The following ARFGEF1 variants were observed in gnomAD, a reference collection of about 807,000 sequenced individuals.
ARFGEF1 encodes ARF guanine nucleotide exchange factor 1.
Under a neutral mutation model 231.0 loss-of-function variants are expected in ARFGEF1, and 42 were observed. That is an observed-to-expected ratio of 0.18 (90% CI 0.14 to 0.24). The LOEUF (loss-of-function observed/expected upper bound fraction) is 0.24, where lower values mean the gene tolerates loss of function less well. Ranked by LOEUF, ARFGEF1 falls within the 10% of genes least tolerant of loss-of-function variation. ARFGEF1 has a pLI of 1.00. For synonymous variants in ARFGEF1, 710 were observed against 732.3 expected, an observed-to-expected ratio of 0.97 and a Z score of 0.49; for missense variants, 1,345 against 2,192.0, an observed-to-expected ratio of 0.61 and a Z score of 7.72.
chr8:67,237,326 T>C (rs1161015357), intron 22 of ARFGEF1, among the ~76,000 whole-genome samples: 1 of 152,248 alleles, frequency 6.6e-6, no homozygotes, highest in Non-Finnish European at 1.5e-5. Context: ...TATGCTATCA[T>C]GGAGGGACAG....
intron 15 of ARFGEF1, among the ~76,000 whole-genome samples, chr8:67,259,483 C>T (rs958999968): frequency 6.6e-6 from 1 of 152,204 alleles, no homozygotes; most frequent in African/African-American, 2.4e-5. Flanking sequence ...CCGCTTCAGC[C>T]TCCCAAAGCG....
Position 67,343,539 on chromosome 8 carries a change from T to G in ARFGEF1, c.-252A>C. 7.1e-6 allele frequency: 8 copies of G among 1,130,172 alleles called. No individual in the cohort carries two copies. Among genetic ancestry groups the G allele is most frequent in the Admixed American group, 4.8e-5 (1 of 21,020 alleles). The allele number at this position is 1,130,172 out of a possible 1,614,324, so 70.0% of individuals were successfully genotyped here. ...AGGGCCGCGCCCGTCGGGCCTCCGC[T>G]TCTCCCGGCCCGGGGGTCGCGTCCC... is the stretch of plus-strand genomic sequence containing the variant. On this transcript the variant is annotated 5_prime_UTR_variant, in exon 1 of 39. Coordinates refer to ENST00000262215, the MANE Select transcript of ARFGEF1 (RefSeq NM_006421.5).
chr8:67,202,421 C>T (rs1838365435), intron 36 of ARFGEF1, among the ~76,000 whole-genome samples: 1 of 151,890 alleles, frequency 6.6e-6, no homozygotes, highest in African/African-American at 2.4e-5. Flanking sequence ...CACCATGCCC[C>T]GCTAATTTTT....
At chr8:67,262,785 T>C (rs531255484) in intron 14 of ARFGEF1, among the ~76,000 whole-genome samples, 2 of 152,346 alleles carry the variant, frequency 1.3e-5, no homozygotes, top group South Asian at 2.1e-4. Context: ...CTAGTATTTT[T>C]CAGCAATAAA....
intron 33 of ARFGEF1, among the ~76,000 whole-genome samples, chr8:67,216,280 T>C (rs1838928881): frequency 6.6e-6 from 1 of 152,138 alleles, no homozygotes; most frequent in Non-Finnish European, 1.5e-5. Flanking sequence ...GCCATGAGAA[T>C]TAGTGCCTTA....
intron 5 of ARFGEF1, among the ~76,000 whole-genome samples, chr8:67,295,138 G>C (rs1178904293): frequency 2.0e-5 from 3 of 152,018 alleles, no homozygotes; most frequent in Non-Finnish European, 4.4e-5. Context: ...TAAGGGAGGA[G>C]AAATTCAATT....
chr8:67,241,771 T>C (rs935759595), intron 19 of ARFGEF1, among the ~76,000 whole-genome samples: 2 of 151,992 alleles, frequency 1.3e-5, no homozygotes, highest in Non-Finnish European at 2.9e-5. Context: ...GCACTCACAG[T>C]AGCTGGTTTT....
intron 33 of ARFGEF1, among the ~76,000 whole-genome samples, chr8:67,214,432 A>T (rs1288240214): frequency 1.3e-5 from 2 of 152,224 alleles, no homozygotes; most frequent in Non-Finnish European, 2.9e-5. Flanking sequence ...TGCAAGAAGA[A>T]GATATATTGA....
chr8:67,339,804 G>GGGGGGGGGGGGT (rs1808532920), intron 1 of ARFGEF1, among the ~76,000 whole-genome samples: 1 of 89,248 alleles, frequency 1.1e-5, no homozygotes, highest in African/African-American at 4.1e-5. Flanking sequence ...GCGGGGGGGG[G>GGGGGGGGGGGGT]GATTCTTTCT....
chr8:67,302,643 C>G (rs141388489), intron 1 of ARFGEF1, among the ~76,000 whole-genome samples, 177 bp from the exon 2 acceptor site: 1 of 152,158 alleles, frequency 6.6e-6, no homozygotes, highest in East Asian at 1.9e-4. Context: ...ACACAAATAA[C>G]ATAAAACTAT....
intron 22 of ARFGEF1, among the ~76,000 whole-genome samples, chr8:67,234,051 T>C (rs1563853732): frequency 6.6e-6 from 1 of 152,142 alleles, no homozygotes; most frequent in Non-Finnish European, 1.5e-5. Flanking sequence ...ATATTCATTT[T>C]TGTACTTTCC....
chr8:67,238,998 T>G (rs1839850657), intron 20 of ARFGEF1, 105 bp from the exon 21 acceptor site: 4 of 920,860 alleles, frequency 4.3e-6, no homozygotes, highest in East Asian at 2.9e-5. Flanking sequence ...TTTGTTTTTT[T>G]TTTTTTTAAT....
intron 36 of ARFGEF1, 77 bp from the exon 37 acceptor site, chr8:67,201,682 C>T (rs1838333838): frequency 6.3e-7 from 1 of 1,579,790 alleles, no homozygotes; most frequent in African/African-American, 1.4e-5. Context: ...TATGGAGGCA[C>T]ATTTTGTTTG....
chr8:67,340,475 T>A (rs1208696352), intron 1 of ARFGEF1, among the ~76,000 whole-genome samples: 1 of 152,132 alleles, frequency 6.6e-6, no homozygotes, highest in Admixed American at 6.5e-5. Flanking sequence ...GTCTCAATAG[T>A]GAAGTGGAGA....
At chr8:67,194,016 T>G (rs113390473), downstream of ARFGEF1, among the ~76,000 whole-genome samples, 2,427 of 152,340 alleles carry the variant, frequency 0.016, 66 homozygotes, top group African/African-American at 0.056. Flanking sequence ...CCTTCTTCTT[T>G]GGCTTTCCAC....
intron 30 of ARFGEF1, 28 bp downstream of exon 30, chr8:67,219,403 G>A (rs747275388): frequency 6.9e-6 from 11 of 1,597,284 alleles, no homozygotes; most frequent in South Asian, 1.2e-5. Context: ...ACTTGACTAA[G>A]CTAAATGAAA....
chr8:67,273,892 A>G (rs1805204020), intron 9 of ARFGEF1, among the ~76,000 whole-genome samples: 1 of 152,112 alleles, frequency 6.6e-6, no homozygotes. Context: ...CACATTTATC[A>G]CCTATTATGC....
intron 28 of ARFGEF1, among the ~76,000 whole-genome samples, chr8:67,225,567 T>C (rs1839344355): frequency 6.6e-6 from 1 of 152,202 alleles, no homozygotes; most frequent in Non-Finnish European, 1.5e-5. Flanking sequence ...CCTTTTACTT[T>C]AGAGCTTAAG....
rs566898633 is a variant in ARFGEF1, at chr8:67,322,980, G to C, written c.124+20184C>G. Among the ~76,000 whole-genome samples the C allele has an allele frequency of 1.3e-3, 202 of 152,312 alleles. 2 individuals carry two copies. The highest frequency in any genetic ancestry group is 3.4e-3 in the Middle Eastern group (1 of 294). ...TTTCCAAAGAAAGCAATAAATGCCAGGCACGGTGGCTCACGCCTGTAATCC... is the reference window on the plus strand; with the variant it reads ...TTTCCAAAGAAAGCAATAAATGCCACGCACGGTGGCTCACGCCTGTAATCC... On this transcript the variant is annotated intron_variant, in intron 1 of 38. Coordinates refer to ENST00000262215, the MANE Select transcript of ARFGEF1 (RefSeq NM_006421.5).
Sources: allele counts gnomAD v4.1 joint callset (sites outside exome capture counted in the v4.1 genomes callset), GRCh38; gene constraint gnomAD v4.1.1; transcripts MANE v1.5; gene names NCBI Gene and HGNC (gene_info 2026-07-23, HGNC 2026-07-21).